Variants in ANO3 observed in about 807,000 individuals in gnomAD.
The protein encoded by ANO3 is anoctamin-3.
Under a neutral mutation model 144.8 loss-of-function variants are expected in ANO3, and 99 were observed. That is an observed-to-expected ratio of 0.68 (90% CI 0.58 to 0.81). ANO3 has a LOEUF of 0.81. Ranked by LOEUF, ANO3 falls within the 30% of genes least tolerant of loss-of-function variation. The pLI is 0.00. For synonymous variants in ANO3, 414 were observed against 392.6 expected (o/e 1.05, Z -0.64); for missense variants, 905 against 1,202.2 (o/e 0.75, Z 3.66).
chr11:26,530,863 C>T (rs948462680), intron 7 of ANO3, among the ~76,000 whole-genome samples: 3 of 151,834 alleles, frequency 2.0e-5, no homozygotes, highest in African/African-American at 7.3e-5. Flanking sequence ...GCGAGACTGT[C>T]TCAAAGAAAA....
chr11:26,455,099 A>T (rs1859101411), intron 3 of ANO3, among the ~76,000 whole-genome samples: 1 of 152,172 alleles, frequency 6.6e-6, no homozygotes, highest in Non-Finnish European at 1.5e-5. Context: ...TATTTATGAC[A>T]GACCCACAGC....
At chr11:26,447,082 C>A (rs1202258288) in intron 3 of ANO3, among the ~76,000 whole-genome samples, 4 of 151,742 alleles carry the variant, frequency 2.6e-5, no homozygotes. Flanking sequence ...GGTGGCACGA[C>A]TGTAGTCCCA....
intron 1 of ANO3, among the ~76,000 whole-genome samples, chr11:26,352,062 G>A (rs1855660641): frequency 6.6e-6 from 1 of 152,158 alleles, no homozygotes; most frequent in South Asian, 2.1e-4. Context: ...GATGCAGTAG[G>A]AAAGAGAAAC....
chr11:26,396,700 C>G (rs773871554), intron 1 of ANO3, among the ~76,000 whole-genome samples: 15 of 151,996 alleles, frequency 9.9e-5, no homozygotes, highest in Admixed American at 5.9e-4. Flanking sequence ...GAACAGAAAA[C>G]CAAATACCAC....
At chr11:26,365,724 C>G (rs1020018585) in intron 1 of ANO3, among the ~76,000 whole-genome samples, 1 of 152,112 alleles carries the variant, frequency 6.6e-6, no homozygotes, top group African/African-American at 2.4e-5. Flanking sequence ...TGTCCCAAGG[C>G]TGTGCAGGTC....
chr11:26,274,527 G>A lies in ANO3; in HGVS notation c.155-35118G>A, dbSNP rs181307356. Among the ~76,000 whole-genome samples, 219 of 152,212 alleles carry A rather than the reference G, an allele frequency of 1.4e-3. 3 individuals are homozygous for A. The highest frequency in any genetic ancestry group is 4.9e-3 in the African/African-American group (203 of 41,548). ...ATCCATTGGAACTTTAGAGTCATATGTTATTACCACAGCATAACTTTGCCT... is the reference window on the plus strand; with the variant it reads ...ATCCATTGGAACTTTAGAGTCATATATTATTACCACAGCATAACTTTGCCT... On this transcript the variant is annotated intron_variant, in intron 1 of 27. Transcript: ENST00000672621.
chr11:26,421,474 A>G (rs911134318), intron 1 of ANO3, among the ~76,000 whole-genome samples: 3 of 151,998 alleles, frequency 2.0e-5, no homozygotes, highest in Non-Finnish European at 4.4e-5. Context: ...CACCCACTCT[A>G]AGCCCATCAG....
intron 1 of ANO3, among the ~76,000 whole-genome samples, chr11:26,359,107 AAAATTTT>A (rs1173483249): frequency 6.6e-6 from 1 of 152,212 alleles, no homozygotes; most frequent in African/African-American, 2.4e-5. Context: ...TGAATGTCTA[AAAATTTT>A]ATATTGGAAA....
intron 14 of ANO3, among the ~76,000 whole-genome samples, chr11:26,577,618 A>G (rs983877133): frequency 6.6e-6 from 1 of 152,122 alleles, no homozygotes; most frequent in Admixed American, 6.6e-5. Flanking sequence ...TGGCAGCCTC[A>G]AAGATCTACT....
chr11:26,420,254 A>T (rs1458096801), intron 1 of ANO3, among the ~76,000 whole-genome samples: 1 of 152,086 alleles, frequency 6.6e-6, no homozygotes, highest in Non-Finnish European at 1.5e-5. Flanking sequence ...CTTACAGTAT[A>T]TGGAAAAAAA....
intron 1 of ANO3, among the ~76,000 whole-genome samples, chr11:26,347,486 A>C (rs1418928572): frequency 6.6e-6 from 1 of 152,228 alleles, no homozygotes; most frequent in East Asian, 1.9e-4. Flanking sequence ...CCAGACTTCA[A>C]AATACTTCAC....
chr11:26,653,738 C>G (rs1238018136), intron 24 of ANO3, among the ~76,000 whole-genome samples: 1 of 151,970 alleles, frequency 6.6e-6, no homozygotes, highest in African/African-American at 2.4e-5. Context: ...TCACGGCTGC[C>G]TCTTTCAACT....
chr11:26,261,690 G>T (rs1853193706), intron 1 of ANO3, among the ~76,000 whole-genome samples: 1 of 152,134 alleles, frequency 6.6e-6, no homozygotes, highest in African/African-American at 2.4e-5. Flanking sequence ...TTTTAGATGG[G>T]CCTTAACCTT....
intron 6 of ANO3, among the ~76,000 whole-genome samples, chr11:26,517,767 C>G (rs1861915201): frequency 6.6e-6 from 1 of 152,014 alleles, no homozygotes. Context: ...GAGTCCAACT[C>G]TGGTAGAAGT....
At chr11:26,460,461 A>AAGGAAGGG (rs1859353390) in intron 3 of ANO3, among the ~76,000 whole-genome samples, 1 of 149,468 alleles carries the variant, frequency 6.7e-6, no homozygotes, top group African/African-American at 2.5e-5. Flanking sequence ...GGAAAGAAGG[A>AAGGAAGGG]AGGAAGGAAG....
In ANO3 at chr11:26,562,211, G is replaced by A. The variant is rs190266314; in HGVS notation, c.1447+2432G>A. On this transcript the variant is annotated intron_variant, in intron 14 of 26. Coordinates refer to ENST00000256737, the MANE Select transcript of ANO3 (RefSeq NM_031418.4). ...CCTATCCTTTAATTTTTGAAGAATG[G>A]TACTTTTTGTTTTGTATTAGTTCCT... is the stretch of plus-strand genomic sequence containing the variant. 1.8e-3 allele frequency among the ~76,000 whole-genome samples: 272 copies of A among 151,748 alleles called. 3 individuals are homozygous for A. The highest frequency in any genetic ancestry group is 7.5e-4 in the Non-Finnish European group (51 of 67,850).
At chr11:26,485,792 G>A (rs531668623) in intron 4 of ANO3, among the ~76,000 whole-genome samples, 7 of 152,102 alleles carry the variant, frequency 4.6e-5, no homozygotes, top group African/African-American at 1.7e-4. Flanking sequence ...CATTGGGGTA[G>A]GCAAATAATT....
At chr11:26,243,017 C>A (rs1295519672) in intron 1 of ANO3, among the ~76,000 whole-genome samples, 1 of 152,122 alleles carries the variant, frequency 6.6e-6, no homozygotes, top group African/African-American at 2.4e-5. Context: ...GTTTTGCCCC[C>A]AAATACTCTG....
rs760861856 is a variant in ANO3 at position 26,643,201 on chromosome 11, C to T, written c.2295C>T (p.Thr765=). 6.2e-6 allele frequency: 10 copies of T among 1,613,514 alleles called. No individual in the cohort carries two copies. Among genetic ancestry groups the T allele is most frequent in the Non-Finnish European group, 8.5e-6 (10 of 1,179,810 alleles). Reference sequence around the variant, plus strand: ...TTGCAGTTTTGCAATTTGGTTTTACCACCATCTTTGTTGCGGCTTTTCCTC... The same window carrying T: ...TTGCAGTTTTGCAATTTGGTTTTACTACCATCTTTGTTGCGGCTTTTCCTC... ...YLEMVLQFGF[T]TIFVAAFPLA... Residue 765 remains threonine (T), a synonymous_variant, in exon 23 of 27, where the codon ACC becomes ACT. Transcript: ENST00000256737.
Sources: allele counts gnomAD v4.1 joint callset (sites outside exome capture counted in the v4.1 genomes callset), GRCh38; gene constraint gnomAD v4.1.1; transcripts MANE v1.5; gene names NCBI Gene and HGNC (gene_info 2026-07-23, HGNC 2026-07-21).